The following SLC4A4 variants were observed in gnomAD, a reference collection of about 807,000 sequenced individuals.
SLC4A4 encodes the protein solute carrier family 4 member 4.
In SLC4A4, 27 loss-of-function variants were observed where a neutral mutation model predicts 111.5. The observed-to-expected ratio is 0.24, with a 90% CI of 0.18 to 0.33. The LOEUF is 0.33. SLC4A4 is among the 10% of genes least tolerant of loss of function. The pLI is 1.00. For missense variants in SLC4A4, 909 were observed against 1,315.5 expected (o/e 0.69, Z 4.78); for synonymous variants, 443 against 463.4 (o/e 0.96, Z 0.57).
chr4:71,261,594 A>G (rs1195079485), intron 3 of SLC4A4, among the ~76,000 whole-genome samples: 3 of 152,234 alleles, frequency 2.0e-5, no homozygotes, highest in African/African-American at 7.2e-5. Context: ...GATGAATACA[A>G]GAGGACTGTG....
At position 71,525,179 on chromosome 4, in the gene SLC4A4, C is replaced by G. The variant is rs76054235; in HGVS notation, c.2167-6883C>G. 3.0e-4 allele frequency among the ~76,000 whole-genome samples: 46 copies of G among 152,176 alleles called. No homozygotes were observed. In the East Asian group the frequency reaches 8.5e-3, roughly 28 times the overall value. On this transcript the variant is annotated intron_variant, in intron 16 of 25. Coordinates refer to ENST00000264485, the MANE Select transcript of SLC4A4 (RefSeq NM_001098484.3). ...GTTGTTTTGCCAAAGAAGGAGAGAA[C>G]AGCATATGTTTATTTGAATTTCCTT...
intron 6 of SLC4A4, among the ~76,000 whole-genome samples, chr4:71,367,936 A>G (rs1451358462): frequency 1.3e-5 from 2 of 152,170 alleles, no homozygotes; most frequent in Non-Finnish European, 2.9e-5. Context: ...TAAAAAGACC[A>G]TTTGTCTCCC....
intron 3 of SLC4A4, among the ~76,000 whole-genome samples, chr4:71,308,035 G>T (rs1725830639): frequency 6.6e-6 from 1 of 152,034 alleles, no homozygotes; most frequent in Non-Finnish European, 1.5e-5. Flanking sequence ...CATATGATAG[G>T]ATAAAGTCTA....
chr4:71,432,840 ATAACCTTTTTAT>A (rs1723766542), intron 7 of SLC4A4, among the ~76,000 whole-genome samples: 1 of 152,108 alleles, frequency 6.6e-6, no homozygotes, highest in South Asian at 2.1e-4. Flanking sequence ...AAATGTTGGT[ATAACCTTTTTAT>A]TAATGGGGAA....
intron 7 of SLC4A4, among the ~76,000 whole-genome samples, chr4:71,428,792 T>C (rs1481127981): frequency 1.3e-5 from 2 of 151,952 alleles, no homozygotes; most frequent in African/African-American, 2.4e-5. Flanking sequence ...GATTTGAAGA[T>C]TAAAATCATC....
chr4:71,380,959 C>T (rs914998753), intron 6 of SLC4A4, among the ~76,000 whole-genome samples: 4 of 152,102 alleles, frequency 2.6e-5, no homozygotes, highest in Non-Finnish European at 4.4e-5. Context: ...GACAACAAGT[C>T]GGCATTCTGA....
chr4:71,436,559 A>C (rs12646284), intron 7 of SLC4A4, among the ~76,000 whole-genome samples: 1 of 152,208 alleles, frequency 6.6e-6, no homozygotes, highest in African/African-American at 2.4e-5. Flanking sequence ...AAGTATAAAA[A>C]ATACTTTTGC....
At chr4:71,525,360 T>C (rs112182792) in intron 16 of SLC4A4, among the ~76,000 whole-genome samples, 29 of 152,204 alleles carry the variant, frequency 1.9e-4, no homozygotes, top group African/African-American at 6.7e-4. Flanking sequence ...TAAACAAAAA[T>C]GAAAGAGTTC....
chr4:71,365,058 T>A (rs544656008), intron 6 of SLC4A4, among the ~76,000 whole-genome samples: 1 of 152,280 alleles, frequency 6.6e-6, no homozygotes, highest in Admixed American at 6.5e-5. Context: ...TATGTCTAAG[T>A]AATGACAGTT....
intron 8 of SLC4A4, among the ~76,000 whole-genome samples, chr4:71,443,523 A>G (rs781619378): frequency 1.4e-4 from 22 of 152,304 alleles, no homozygotes; most frequent in Non-Finnish European, 2.2e-4. Flanking sequence ...GATGAAGGCA[A>G]AGGGAAGATT....
chr4:71,529,056 T>C (rs1032928826), intron 16 of SLC4A4, among the ~76,000 whole-genome samples: 2 of 152,094 alleles, frequency 1.3e-5, no homozygotes, highest in Non-Finnish European at 2.9e-5. Context: ...CGATAGTTAA[T>C]GTGGGTAATC....
chr4:71,323,252 TA>T (rs1352727495), intron 3 of SLC4A4, among the ~76,000 whole-genome samples: 1 of 152,046 alleles, frequency 6.6e-6, no homozygotes, highest in East Asian at 1.9e-4. Context: ...GAATCATCAG[TA>T]ATTCTTCCAC....
chr4:71,331,729 GAA>G (rs199726678), intron 3 of SLC4A4, among the ~76,000 whole-genome samples: 7 of 120,292 alleles, frequency 5.8e-5, no homozygotes, highest in African/African-American at 1.2e-4. Flanking sequence ...TTAAAGTATT[GAA>G]AAAAAAAAAA....
rs1430317541 is a variant in SLC4A4 at position 71,339,417 on chromosome 4, G to A, written c.301G>A (p.Asp101Asn). 1.2e-5 allele frequency: 19 copies of A among 1,614,054 alleles called. No homozygotes were observed. In the East Asian group the frequency reaches 1.6e-4, roughly 13 times the overall value. ...RIRFILGEED[D>N]SPAPPQLFTE... is the part of the protein sequence containing the mutation. ...CCGATTCATCTTGGGAGAGGAGGATGACAGCCCAGCTCCCCCTCAGCTCTT... is the reference window on the plus strand; with the variant it reads ...CCGATTCATCTTGGGAGAGGAGGATAACAGCCCAGCTCCCCCTCAGCTCTT... The change falls in exon 4 of 26, where the codon GAC (aspartate) becomes AAC (asparagine). Residue 101 changes from aspartate to asparagine, a missense_variant. By Grantham distance (23) the Asp-to-Asn change is conservative. Transcript: ENST00000264485.
intron 1 of SLC4A4, among the ~76,000 whole-genome samples, chr4:71,200,163 T>G (rs1746184788): frequency 6.6e-6 from 1 of 152,116 alleles, no homozygotes; most frequent in African/African-American, 2.4e-5. Flanking sequence ...AAAGCCTTAG[T>G]AGGTACTATG....
At chr4:71,205,504 TG>T (rs1368315213) in intron 1 of SLC4A4, among the ~76,000 whole-genome samples, 1 of 152,198 alleles carries the variant, frequency 6.6e-6, no homozygotes, top group East Asian at 1.9e-4. Context: ...GACCCACAGC[TG>T]GGCTTCAGAG....
At chr4:71,262,830 A>C (rs1211138717) in intron 3 of SLC4A4, among the ~76,000 whole-genome samples, 1 of 152,142 alleles carries the variant, frequency 6.6e-6, no homozygotes, top group Non-Finnish European at 1.5e-5. Context: ...TGGGAATAGA[A>C]AAATGACCTT....
chr4:71,428,451 G>C (rs147361390), intron 7 of SLC4A4, among the ~76,000 whole-genome samples: 2 of 152,048 alleles, frequency 1.3e-5, no homozygotes, highest in African/African-American at 4.8e-5. Context: ...GGGTAAACTG[G>C]GACTGTTATG....
chr4:71,307,863 T>C (rs558004165), intron 3 of SLC4A4, among the ~76,000 whole-genome samples: 1 of 152,230 alleles, frequency 6.6e-6, no homozygotes, highest in African/African-American at 2.4e-5. Flanking sequence ...TCAGCTTGTA[T>C]AGGTGCCCAC....
Sources: allele counts gnomAD v4.1 joint callset (sites outside exome capture counted in the v4.1 genomes callset), GRCh38; gene constraint gnomAD v4.1.1; transcripts MANE v1.5; gene names NCBI Gene and HGNC (gene_info 2026-07-23, HGNC 2026-07-21).